Variants in CWF19L1 observed in about 807,000 individuals in gnomAD.
CWF19L1 encodes the protein CWF19 like cell cycle control factor 1, also known as CWF19-like protein 1.
A neutral mutation model predicts 69.7 loss-of-function variants in CWF19L1; 60 were observed. The ratio of observed to expected loss-of-function variants is 0.86; its 90% confidence interval spans 0.70 to 1.07. CWF19L1 has a LOEUF of 1.07. CWF19L1 is among the 50% of genes least tolerant of loss of function. The pLI is 0.00. For missense variants in CWF19L1, 591 were observed against 638.9 expected, an observed-to-expected ratio of 0.92 and a Z score of 0.81; for synonymous variants, 209 against 222.2, an observed-to-expected ratio of 0.94 and a Z score of 0.53.
intron 10 of CWF19L1, among the ~76,000 whole-genome samples, chr10:100,240,872 C>G (rs1200989766): frequency 6.6e-6 from 1 of 152,132 alleles, no homozygotes; most frequent in Non-Finnish European, 1.5e-5. Flanking sequence ...GCTATAAAAG[C>G]TAGAGCTTCT....
chr10:100,233,535 T>G, intron 13 of CWF19L1, 164 bp from the exon 14 acceptor site: 1 of 577,192 alleles, frequency 1.7e-6, no homozygotes, highest in Non-Finnish European at 2.9e-6. Context: ...AATGACCAGC[T>G]CAGGTACTAT....
intron 6 of CWF19L1, 57 bp downstream of exon 6, chr10:100,253,364 T>C (rs190818823): frequency 4.8e-6 from 5 of 1,035,814 alleles, no homozygotes; most frequent in Admixed American, 1.9e-5. Flanking sequence ...GAGAAGTTTA[T>C]ACAGAAGATC....
chr10:100,232,589 C>G lies in CWF19L1; in HGVS notation c.*638G>C, dbSNP rs1232372566. 6.6e-6 allele frequency: 1 copy of G among 152,238 alleles called. No individual in the cohort carries two copies. The highest frequency in any genetic ancestry group is 1.5e-5 in the Non-Finnish European group (1 of 68,110). 9.4% of individuals were successfully genotyped at this position (152,238 alleles called of 1,614,324 possible). ...CACCACGCCCAGCTAATTTTTGTAG[C>G]TTTAGTAAAGACGGGGTTTCACCAT... On this transcript the variant is annotated 3_prime_UTR_variant, in exon 14 of 14. Transcript: ENST00000354105.
At chr10:100,253,819 C>T (rs1847121314) in intron 5 of CWF19L1, 1 of 309,870 alleles carries the variant, frequency 3.2e-6, no homozygotes. Context: ...ATTATTAAAA[C>T]CTTTTTTGGA....
chr10:100,248,971 C>T (rs896337734), intron 7 of CWF19L1: 10 of 708,202 alleles, frequency 1.4e-5, no homozygotes, highest in Non-Finnish European at 2.3e-5. Context: ...GATAGAGCTG[C>T]GCAAGCTGGA....
At chr10:100,236,799 A>C (rs903355335) in intron 12 of CWF19L1, 51 bp downstream of exon 12, 5 of 1,515,620 alleles carry the variant, frequency 3.3e-6, no homozygotes, top group Admixed American at 2.1e-5. Context: ...AAACAACAAC[A>C]AAAAAAACAG....
intron 11 of CWF19L1, chr10:100,237,289 A>G: frequency 3.7e-6 from 2 of 544,120 alleles, no homozygotes; most frequent in Non-Finnish European, 7.1e-6. Context: ...GCCAAAAAGA[A>G]AACCACCACA....
chr10:100,254,819 G>A (rs111379463), intron 5 of CWF19L1, among the ~76,000 whole-genome samples: 1 of 151,600 alleles, frequency 6.6e-6, no homozygotes, highest in Admixed American at 6.6e-5. Flanking sequence ...CCCTTCTCTC[G>A]ATCTTCCCTA....
In CWF19L1 at chr10:100,238,286, G is replaced by C; in HGVS notation, c.1045-55C>G. 6 of 1,543,930 alleles carry C rather than the reference G, an allele frequency of 3.9e-6. No homozygotes were observed. The South Asian group carries it at 6.8e-5, about 17-fold the overall frequency. On this transcript the variant is annotated intron_variant, in intron 10 of 13. Coordinates refer to ENST00000354105, the MANE Select transcript of CWF19L1 (RefSeq NM_018294.6). ...TCAATACAGCATGTAGGATTCTCCA[G>C]GGAGAAAAACCTATACAAAAAGTGA...
At chr10:100,249,267 A>T (rs12261009) in intron 7 of CWF19L1, among the ~76,000 whole-genome samples, 13,345 of 152,268 alleles carry the variant, frequency 0.088, 1,158 homozygotes, top group African/African-American at 0.22. Context: ...TATGAAAAAA[A>T]CAAAATATCG....
At chr10:100,259,231 C>T (rs1847315216) in intron 4 of CWF19L1, among the ~76,000 whole-genome samples, 1 of 149,146 alleles carries the variant, frequency 6.7e-6, no homozygotes, top group Non-Finnish European at 1.5e-5. Context: ...GTTGAATGAT[C>T]TAAGAGGCAG....
rs115058601 is a variant in CWF19L1 at position 100,247,107 on chromosome 10, T to G, written c.709-172A>C. Among the ~76,000 whole-genome samples, 925 of 152,232 alleles carry G rather than the reference T, an allele frequency of 6.1e-3. 8 individuals are homozygous for G. Among genetic ancestry groups the G allele is most frequent in the African/African-American group, 0.021 (869 of 41,534 alleles). On this transcript the variant is annotated intron_variant, in intron 7 of 13. Coordinates refer to ENST00000354105, the MANE Select transcript of CWF19L1 (RefSeq NM_018294.6). ...AGTAAACAGTAAATCAAATGCCAAT[T>G]CAGTGGCCTCTGCAGGGGCTCACCA...
At chr10:100,243,423 G>A (rs1218850201) in intron 10 of CWF19L1, among the ~76,000 whole-genome samples, 1 of 152,106 alleles carries the variant, frequency 6.6e-6, no homozygotes, top group Admixed American at 6.6e-5. Flanking sequence ...GTCCAAAAAT[G>A]GCAAACTATG....
chr10:100,241,295 G>A (rs915055164), intron 10 of CWF19L1, among the ~76,000 whole-genome samples: 9 of 152,112 alleles, frequency 5.9e-5, no homozygotes, highest in Non-Finnish European at 2.9e-5. Flanking sequence ...GTGAGCAGGC[G>A]TGAGCCACTG....
chr10:100,235,812 T>C lies in CWF19L1; in HGVS notation c.1375-48A>G, dbSNP rs1396871092. 2.3e-6 allele frequency: 3 copies of C among 1,312,526 alleles called. 1 individual carries two copies. The highest frequency in any genetic ancestry group is 2.2e-6 in the Non-Finnish European group (2 of 922,762). 81.3% of individuals were successfully genotyped at this position (1,312,526 alleles called of 1,614,324 possible). The stretch of plus-strand genomic sequence containing the variant: ...AGGATGTCCAATAATGCTTTAAAAA[T>C]CTATAATCTGAGTTCATCTCTAGGC... On this transcript the variant is annotated intron_variant, in intron 12 of 13. Coordinates refer to ENST00000354105, the MANE Select transcript of CWF19L1 (RefSeq NM_018294.6).
intron 4 of CWF19L1, chr10:100,258,468 CA>C (rs1181014027): frequency 1.3e-5 from 2 of 152,068 alleles, no homozygotes; most frequent in African/African-American, 4.8e-5. Context: ...GCCCTTAATC[CA>C]AATCTACAAA....
intron 12 of CWF19L1, among the ~76,000 whole-genome samples, chr10:100,236,194 T>C (rs1846431091): frequency 6.8e-6 from 1 of 148,058 alleles, no homozygotes. Flanking sequence ...ATCCTCAAAC[T>C]CCTAGGCTTA....
In CWF19L1 at chr10:100,263,590, A is replaced by G. The variant is rs1789641890; in HGVS notation, c.24-1527T>C. ...TAGGAGCCTGCATTTCTTCCATCAC[A>G]GCAGTTGTCACACGGAATTACCATT... On this transcript the variant is annotated intron_variant, in intron 1 of 13. Transcript: ENST00000354105. Among the ~76,000 whole-genome samples the G allele has an allele frequency of 3.9e-5, 6 of 152,334 alleles. No homozygotes were observed. In the South Asian group the frequency reaches 1.2e-3, roughly 32 times the overall value.
At chr10:100,257,147 A>G (rs1847238212) in intron 4 of CWF19L1, among the ~76,000 whole-genome samples, 1 of 152,060 alleles carries the variant, frequency 6.6e-6, no homozygotes, top group Non-Finnish European at 1.5e-5. Flanking sequence ...CCTTTCATCT[A>G]CTGAGTCTAC....
Sources: gnomAD v4.1 joint callset for allele counts (sites outside exome capture counted in the v4.1 genomes callset) on GRCh38, gnomAD v4.1.1 for gene constraint, MANE v1.5 for transcripts, NCBI Gene and HGNC (gene_info 2026-07-23, HGNC 2026-07-21) for gene names.